Variants in BBS9 observed in about 807,000 individuals in gnomAD.
BBS9 encodes protein PTHB1.
A neutral mutation model predicts 117.7 loss-of-function variants in BBS9; 89 were observed. The ratio of observed to expected loss-of-function variants is 0.76; its 90% CI spans 0.64 to 0.90. The LOEUF (loss-of-function observed/expected upper bound fraction) is 0.90. BBS9 is among the 40% of genes least tolerant of loss of function. The pLI is 0.00. For synonymous variants in BBS9, 379 were observed against 370.9 expected (o/e 1.02, Z -0.25); for missense variants, 982 against 1,042.2 (o/e 0.94, Z 0.80).
chr7:33,428,392 G>C (rs943637055), intron 19 of BBS9, among the ~76,000 whole-genome samples: 5 of 152,126 alleles, frequency 3.3e-5, no homozygotes, highest in African/African-American at 9.7e-5. Context: ...CTTATTGACA[G>C]TTCCAATATA....
At chr7:33,448,503 C>T (rs113883008) in intron 19 of BBS9, among the ~76,000 whole-genome samples, 2,213 of 152,238 alleles carry the variant, frequency 0.015, 23 homozygotes, top group Non-Finnish European at 0.021. Context: ...TCCTCAGTTT[C>T]TTGAACTGTA....
intron 19 of BBS9, among the ~76,000 whole-genome samples, chr7:33,427,172 A>T (rs1048971459): frequency 2.6e-5 from 4 of 152,112 alleles, no homozygotes; most frequent in African/African-American, 9.7e-5. Flanking sequence ...ACAAATGCTG[A>T]TGTTCTGGGT....
At chr7:33,349,024 A>G (rs781728928) in intron 12 of BBS9, 44 bp from the exon 13 acceptor site, 2 of 1,328,952 alleles carry the variant, frequency 1.5e-6, no homozygotes, top group Non-Finnish European at 2.2e-6. Context: ...TATCAGTTTG[A>G]ATAAAATGTA....
At position 33,452,152 on chromosome 7, in the gene BBS9, T is replaced by C. The variant is rs1396924534; in HGVS notation, c.2116-53311T>C. Among the ~76,000 whole-genome samples, 4 of 152,248 alleles carry C rather than the reference T, an allele frequency of 2.6e-5. No individual in the cohort carries two copies. The East Asian group carries it at 5.8e-4, about 22-fold the overall frequency. On this transcript the variant is annotated intron_variant, in intron 19 of 22. Transcript: ENST00000242067. ...CCTGGCCACCAGTGGAATTTTGATA[T>C]AGGGATCTTACCAACACAGGATATC...
intron 19 of BBS9, among the ~76,000 whole-genome samples, chr7:33,489,968 G>T (rs1843677050): frequency 6.6e-6 from 1 of 152,126 alleles, no homozygotes; most frequent in East Asian, 1.9e-4. Flanking sequence ...TCAGTTATTT[G>T]TAAGATAATA....
intron 16 of BBS9, among the ~76,000 whole-genome samples, chr7:33,359,774 A>G (rs949988979): frequency 2.0e-5 from 3 of 152,090 alleles, no homozygotes; most frequent in African/African-American, 7.2e-5. Context: ...CTTTTACTCT[A>G]CATGTCTTCC....
intron 19 of BBS9, among the ~76,000 whole-genome samples, chr7:33,454,583 C>G (rs1383353820): frequency 1.3e-5 from 2 of 152,238 alleles, no homozygotes; most frequent in African/African-American, 4.8e-5. Context: ...TAACAGGTCA[C>G]TGCCAAGAGG....
At chr7:33,314,350 C>T (rs1176670952) in intron 9 of BBS9, 2 of 384,806 alleles carry the variant, frequency 5.2e-6, no homozygotes, top group Admixed American at 3.5e-5. Context: ...TATCTGAATA[C>T]TTGCCTTCTT....
intron 21 of BBS9, among the ~76,000 whole-genome samples, chr7:33,551,094 G>A (rs1333735119): frequency 6.6e-6 from 1 of 152,118 alleles, no homozygotes; most frequent in African/African-American, 2.4e-5. Flanking sequence ...TTTTTATTTA[G>A]TACAGGTGTT....
chr7:33,475,008 C>T (rs953104485), intron 19 of BBS9, among the ~76,000 whole-genome samples: 6 of 152,216 alleles, frequency 3.9e-5, no homozygotes, highest in Non-Finnish European at 7.3e-5. Flanking sequence ...CATTTGTCTT[C>T]CATCCTATTG....
At chr7:33,552,910 C>T (rs1376006487) in intron 21 of BBS9, among the ~76,000 whole-genome samples, 1 of 152,182 alleles carries the variant, frequency 6.6e-6, no homozygotes, top group African/African-American at 2.4e-5. Flanking sequence ...GTCTCTCCAT[C>T]CACTTCTCCA....
intron 21 of BBS9, among the ~76,000 whole-genome samples, chr7:33,618,592 C>T (rs1865257681): frequency 6.6e-6 from 1 of 151,946 alleles, no homozygotes; most frequent in Admixed American, 6.6e-5. Context: ...CAGTGGCTCA[C>T]ACCTGTAATC....
chr7:33,429,979 A>G (rs1170123551), intron 19 of BBS9, among the ~76,000 whole-genome samples: 1 of 152,182 alleles, frequency 6.6e-6, no homozygotes, highest in East Asian at 1.9e-4. Flanking sequence ...CCATGAGGAA[A>G]GGGTCTTTTC....
At chr7:33,368,617 C>G (rs954412206) in intron 17 of BBS9, among the ~76,000 whole-genome samples, 3 of 147,322 alleles carry the variant, frequency 2.0e-5, no homozygotes, top group African/African-American at 7.7e-5. Flanking sequence ...CACACACACA[C>G]CCATACCCCC....
At chr7:33,311,282 G>C (rs528735409) in intron 9 of BBS9, among the ~76,000 whole-genome samples, 1 of 152,272 alleles carries the variant, frequency 6.6e-6, no homozygotes, top group East Asian at 1.9e-4. Context: ...TGATCCAGGG[G>C]TCTGTTCAAA....
At chr7:33,528,785 A>G (rs1850090107) in intron 20 of BBS9, among the ~76,000 whole-genome samples, 1 of 152,246 alleles carries the variant, frequency 6.6e-6, no homozygotes, top group Non-Finnish European at 1.5e-5. Flanking sequence ...GTCAGAACTC[A>G]GGAGCCTCGG....
chr7:33,259,323 T>C (rs1797584864), intron 6 of BBS9, among the ~76,000 whole-genome samples: 1 of 152,190 alleles, frequency 6.6e-6, no homozygotes, highest in Non-Finnish European at 1.5e-5. Context: ...AGGCTAGGGA[T>C]CTCAAACTTC....
At chr7:33,612,810 T>C (rs573733743) in intron 21 of BBS9, among the ~76,000 whole-genome samples, 1 of 152,138 alleles carries the variant, frequency 6.6e-6, no homozygotes, top group East Asian at 1.9e-4. Context: ...CAAAGTCCAC[T>C]TCTTTAAGGA....
intron 21 of BBS9, among the ~76,000 whole-genome samples, chr7:33,537,728 C>T (rs1481687375): frequency 1.3e-5 from 2 of 152,170 alleles, no homozygotes; most frequent in African/African-American, 4.8e-5. Flanking sequence ...GACTAAAAGA[C>T]TTGCTGTATT....
Sources: gnomAD v4.1 joint callset for allele counts (sites outside exome capture counted in the v4.1 genomes callset) on GRCh38, gnomAD v4.1.1 for gene constraint, MANE v1.5 for transcripts, NCBI Gene and HGNC (gene_info 2026-07-23, HGNC 2026-07-21) for gene names.